Variants in SLC16A7 observed in about 807,000 individuals in gnomAD.
SLC16A7 encodes the protein solute carrier family 16 member 7.
A neutral mutation model predicts 34.9 loss-of-function variants in SLC16A7; 33 were observed. That is an observed-to-expected ratio of 0.94 (90% CI 0.72 to 1.26). SLC16A7 has a LOEUF of 1.26. Among genes scored for constraint, SLC16A7 ranks in the 50% most tolerant of loss-of-function variants. SLC16A7 has a pLI of 0.00. For synonymous variants in SLC16A7, 201 were observed against 206.6 expected (o/e 0.97, Z 0.23); for missense variants, 573 against 578.1 (o/e 0.99, Z 0.09).
Position 59,771,083 on chromosome 12 carries a change from A to G in SLC16A7, c.218-136A>G, listed in dbSNP as rs139125274. ...TGTGAAGTATTGAAAAGTTCTCATT[A>G]TGTTTCATGTGAACTAGTATTTCTC... On this transcript the variant is annotated intron_variant, in intron 3 of 5. Coordinates refer to ENST00000547379, the MANE Select transcript of SLC16A7 (RefSeq NM_001270623.2). The G allele has an allele frequency of 5.8e-3, 4,319 of 739,996 alleles. 33 individuals are homozygous for G. Among genetic ancestry groups the G allele is most frequent in the South Asian group, 0.02 (1,012 of 51,470 alleles). The allele number at this position is 739,996 out of a possible 1,614,324, so 45.8% of individuals were successfully genotyped here. A position where few individuals can be genotyped will look rare whatever the true frequency, so the allele number is the denominator to read the frequency against.
chr12:59,746,025 G>T (rs945209570), intron 3 of SLC16A7, among the ~76,000 whole-genome samples: 1 of 152,160 alleles, frequency 6.6e-6, no homozygotes, highest in Non-Finnish European at 1.5e-5. Flanking sequence ...TTATTCTGGA[G>T]CTAATAGTCA....
intron 5 of SLC16A7, 152 bp downstream of exon 5, chr12:59,775,627 T>G (rs902715626): frequency 6.5e-6 from 4 of 614,738 alleles, no homozygotes; most frequent in Non-Finnish European, 1.1e-5. Context: ...TTATAAACTT[T>G]AAAATTTCAT....
chr12:59,700,133 T>A (rs576614523), intron 2 of SLC16A7, among the ~76,000 whole-genome samples: 15 of 151,906 alleles, frequency 9.9e-5, no homozygotes, highest in African/African-American at 3.6e-4. Context: ...CAGCAATATG[T>A]ATTAAGTAAG....
At chr12:59,730,329 G>T (rs1876796812) in intron 3 of SLC16A7, among the ~76,000 whole-genome samples, 1 of 143,800 alleles carries the variant, frequency 7.0e-6, no homozygotes, top group Admixed American at 7.0e-5. Flanking sequence ...CACTCTAAAA[G>T]GGTATGCTTC....
chr12:59,738,182 G>C (rs1565684113), intron 3 of SLC16A7, among the ~76,000 whole-genome samples: 1 of 152,124 alleles, frequency 6.6e-6, no homozygotes, highest in African/African-American at 2.4e-5. Flanking sequence ...CATTGGATTT[G>C]GGTGGTTTCA....
rs1336367026 is a variant in SLC16A7 at position 59,787,602 on chromosome 12, A to G, written c.*7923A>G. The G allele has an allele frequency of 2.0e-5, 3 of 152,214 alleles. No homozygotes were observed. In the East Asian group the frequency reaches 5.8e-4, roughly 29 times the overall value. 9.4% of individuals were successfully genotyped at this position (152,214 alleles called of 1,614,324 possible). On this transcript the variant is annotated 3_prime_UTR_variant, in exon 6 of 6. Transcript: ENST00000547379. ...GGTTGCTATTAGGAGTTTTCCCGGT[A>G]AAACTGTAAAAACAGTAATCTGCAT...
rs1177463148 is a variant in SLC16A7, at chr12:59,787,868, A to G, written c.*8189A>G. 6.6e-6 allele frequency: 1 copy of G among 152,136 alleles called. No homozygotes were observed. The highest frequency in any genetic ancestry group is 1.5e-5 in the Non-Finnish European group (1 of 68,016). The allele number at this position is 152,136 out of a possible 1,614,324, so 9.4% of individuals were successfully genotyped here. A position where few individuals can be genotyped will look rare whatever the true frequency, so the allele number is the denominator to read the frequency against. On this transcript the variant is annotated 3_prime_UTR_variant, in exon 6 of 6. Coordinates refer to ENST00000547379, the MANE Select transcript of SLC16A7 (RefSeq NM_001270623.2). ...TTGCAGTGAGTGCATTTACTAATAT[A>G]AGGATCCTTCTTTGTAGTGACAACA...
At chr12:59,625,412 A>G (rs1479983028) in intron 1 of SLC16A7, among the ~76,000 whole-genome samples, 1 of 151,856 alleles carries the variant, frequency 6.6e-6, no homozygotes, top group Non-Finnish European at 1.5e-5. Flanking sequence ...AAGGGATACT[A>G]TTTAAGAATA....
chr12:59,686,074 A>G (rs12229478), intron 2 of SLC16A7, among the ~76,000 whole-genome samples: 34,538 of 137,126 alleles, frequency 0.25, 4,144 homozygotes, highest in African/African-American at 0.29. Flanking sequence ...TCTTCAAGTG[A>G]TTCTTTCAAA....
In SLC16A7 at chr12:59,672,350, A is replaced by G. The variant is rs114746954; in HGVS notation, c.-31+17100A>G. Among the ~76,000 whole-genome samples the G allele has an allele frequency of 1.8e-3, 272 of 150,628 alleles. 1 individual carries two copies. Among genetic ancestry groups the G allele is most frequent in the African/African-American group, 5.9e-3 (244 of 41,172 alleles). On this transcript the variant is annotated intron_variant, in intron 2 of 5. Coordinates refer to ENST00000547379, the MANE Select transcript of SLC16A7 (RefSeq NM_001270623.2). ...ACAGTTTTATTTTTGAGTAAGTTTT[A>G]TATTTTGAATACAGTTTGAAGGTAT... is the stretch of plus-strand genomic sequence containing the variant.
At chr12:59,750,613 A>C (rs1224160482) in intron 3 of SLC16A7, among the ~76,000 whole-genome samples, 2 of 152,182 alleles carry the variant, frequency 1.3e-5, no homozygotes, top group Non-Finnish European at 2.9e-5. Flanking sequence ...CTGTTGGTGG[A>C]AGTGTAAATT....
chr12:59,683,577 T>C (rs986947799), intron 2 of SLC16A7, among the ~76,000 whole-genome samples: 1 of 152,222 alleles, frequency 6.6e-6, no homozygotes, highest in Non-Finnish European at 1.5e-5. Flanking sequence ...GAACTGTTCC[T>C]ACAATGTACA....
At chr12:59,777,893 A>C (rs55869967) in intron 5 of SLC16A7, among the ~76,000 whole-genome samples, 22,404 of 146,674 alleles carry the variant, frequency 0.15, 1,960 homozygotes, top group Non-Finnish European at 0.19. Flanking sequence ...ATGAGTGAGA[A>C]TATGCAGTGT....
Position 59,712,778 on chromosome 12 carries a change from A to G in SLC16A7, c.217+7760A>G, listed in dbSNP as rs574661882. On this transcript the variant is annotated intron_variant, in intron 3 of 5. Coordinates refer to ENST00000547379, the MANE Select transcript of SLC16A7 (RefSeq NM_001270623.2). Reference sequence around the variant, plus strand: ...CTGTGATGTCCCCACTGGAGCAATCAGTTTTGTCATGTGATTTGGTCAGCA... The same window carrying G: ...CTGTGATGTCCCCACTGGAGCAATCGGTTTTGTCATGTGATTTGGTCAGCA... Among the ~76,000 whole-genome samples, 102 of 152,264 alleles carry G rather than the reference A, an allele frequency of 6.7e-4. 1 individual carries two copies. The highest frequency in any genetic ancestry group is 2.2e-3 in the African/African-American group (93 of 41,548).
Position 59,712,605 on chromosome 12 carries a change from A to G in SLC16A7, c.217+7587A>G, listed in dbSNP as rs184362384. On this transcript the variant is annotated intron_variant, in intron 3 of 5. Coordinates refer to ENST00000547379, the MANE Select transcript of SLC16A7 (RefSeq NM_001270623.2). ...TGTAGAAAGGCCCGTTTTCATTCAG[A>G]AACTACTGATGTGTAGAAGCAGATT... Among the ~76,000 whole-genome samples, 14 of 152,342 alleles carry G rather than the reference A, an allele frequency of 9.2e-5. No individual in the cohort carries two copies. In the East Asian group the frequency reaches 2.7e-3, roughly 29 times the overall value.
chr12:59,723,857 T>A (rs1007195331), intron 3 of SLC16A7, among the ~76,000 whole-genome samples: 6 of 151,592 alleles, frequency 4.0e-5, no homozygotes, highest in Admixed American at 6.6e-5. Context: ...TTTATATTGC[T>A]TTTTTTGTTT....
intron 3 of SLC16A7, among the ~76,000 whole-genome samples, chr12:59,754,581 C>T (rs1049946016): frequency 2.0e-5 from 3 of 152,124 alleles, no homozygotes; most frequent in African/African-American, 7.2e-5. Context: ...TCTGAATAGA[C>T]CAATAACAGG....
chr12:59,612,183 C>T (rs1879227775), intron 1 of SLC16A7, among the ~76,000 whole-genome samples: 1 of 152,264 alleles, frequency 6.6e-6, no homozygotes, highest in African/African-American at 2.4e-5. Flanking sequence ...TCTGCCTCGA[C>T]ATCTCGGCAT....
chr12:59,763,055 A>G (rs1338710808), intron 3 of SLC16A7, among the ~76,000 whole-genome samples: 1 of 152,072 alleles, frequency 6.6e-6, no homozygotes, highest in Non-Finnish European at 1.5e-5. Context: ...TCATAAGACT[A>G]CATGGTTAAA....
Sources: allele counts gnomAD v4.1 joint callset (sites outside exome capture counted in the v4.1 genomes callset), GRCh38; gene constraint gnomAD v4.1.1; transcripts MANE v1.5; gene names NCBI Gene and HGNC (gene_info 2026-07-23, HGNC 2026-07-21).